NCKAP5: variants seen among roughly 807,000 people sequenced by gnomAD.
The protein encoded by NCKAP5 is nck-associated protein 5.
In NCKAP5, 92 loss-of-function variants were observed where a neutral mutation model predicts 167.0. The ratio of observed to expected loss-of-function variants is 0.55; its 90% confidence interval spans 0.47 to 0.66. The LOEUF (loss-of-function observed/expected upper bound fraction) is 0.66. NCKAP5 is among the 30% of genes least tolerant of loss of function. The probability of loss-of-function intolerance (pLI) is 0.00; values close to 1 mark genes in which losing one functional copy is unlikely to be tolerated. For synonymous variants in NCKAP5, 891 were observed against 877.4 expected (o/e 1.02, Z -0.27); for missense variants, 2,378 against 2,315.0 (o/e 1.03, Z -0.56).
the NCKAP5 span, among the ~76,000 whole-genome samples, chr2:133,668,518 C>T: frequency 9.7e-3 from 1,468 of 151,968 alleles, 48 homozygotes; most frequent in African/African-American, 0.034. Flanking sequence ...TTGGTTTTTG[C>T]TTGTGTTTCC....
intron 3 of NCKAP5, among the ~76,000 whole-genome samples, chr2:133,380,972 T>A (rs1686478355): frequency 6.6e-6 from 1 of 152,192 alleles, no homozygotes; most frequent in African/African-American, 2.4e-5. Flanking sequence ...CAAAATTAAC[T>A]AGACATATAT....
the NCKAP5 span, among the ~76,000 whole-genome samples, chr2:133,618,535 C>G: frequency 2.0e-5 from 3 of 148,886 alleles, no homozygotes; most frequent in Admixed American, 6.7e-5. Flanking sequence ...ATTTATGCAG[C>G]CAAAAAACAC....
At chr2:133,141,391 T>C (rs1277255881) in intron 5 of NCKAP5, among the ~76,000 whole-genome samples, 1 of 151,296 alleles carries the variant, frequency 6.6e-6, no homozygotes, top group Non-Finnish European at 1.5e-5. Context: ...CCTACTAGAC[T>C]GTACAGAGTA....
At chr2:132,984,877 G>T (rs1276393992) in intron 7 of NCKAP5, among the ~76,000 whole-genome samples, 1 of 149,494 alleles carries the variant, frequency 6.7e-6, no homozygotes, top group Non-Finnish European at 1.5e-5. Context: ...TTGTTTCTTA[G>T]ACCAGGAAAT....
At chr2:133,082,766 C>T (rs965221566) in intron 6 of NCKAP5, among the ~76,000 whole-genome samples, 6 of 152,110 alleles carry the variant, frequency 3.9e-5, no homozygotes, top group African/African-American at 1.4e-4. Context: ...TCCTGTGATT[C>T]CCGATGGCCT....
At chr2:132,899,645 C>A (rs757331539) in intron 8 of NCKAP5, among the ~76,000 whole-genome samples, 8 of 152,330 alleles carry the variant, frequency 5.3e-5, no homozygotes, top group African/African-American at 1.7e-4. Flanking sequence ...AAGGCCGAAG[C>A]GGGCAGATCA....
At chr2:133,091,349 C>A (rs1004900960) in intron 6 of NCKAP5, among the ~76,000 whole-genome samples, 1 of 152,216 alleles carries the variant, frequency 6.6e-6, no homozygotes, top group African/African-American at 2.4e-5. Context: ...GATTCCACCA[C>A]ATGAGCTGGA....
chr2:132,784,091 C>T lies in NCKAP5; in HGVS notation c.2720G>A (p.Gly907Glu), dbSNP rs796832856. Residue 907 changes from glycine to glutamate, a missense_variant, in exon 14 of 20, where the codon GGA (glycine) becomes GAA (glutamate). Around this residue, in one of 3 missense-constraint regions of NCKAP5, gnomAD observed 1,325 missense variants for 1,274.5 expected, o/e 1.04. Transcript: ENST00000409261. The stretch of plus-strand genomic sequence containing the variant: ...GTGTTCATCCCTCGTGGGGGGCTCT[C>T]CACTGTCACTAGACTCAATGGCAGG... ...SRPAIESSDS[G>E]EPPTRDEHCG... is the part of the protein sequence containing the mutation. 1.3e-6 allele frequency: 2 copies of T among 1,521,034 alleles called. No individual in the cohort carries two copies. The highest frequency in any genetic ancestry group is 2.3e-5 in the East Asian group (1 of 44,040). 94.2% of individuals were successfully genotyped at this position (1,521,034 alleles called of 1,614,324 possible). A position where few individuals can be genotyped will look rare whatever the true frequency, so the allele number is the denominator to read the frequency against.
At chr2:133,118,274 C>T (rs1245694366) in intron 6 of NCKAP5, 1 of 151,022 alleles carries the variant, frequency 6.6e-6, no homozygotes, top group Non-Finnish European at 1.5e-5. Flanking sequence ...TAGAGCCAAA[C>T]CAATTTTTTT....
At chr2:133,422,860 C>T (rs1689569954) in intron 3 of NCKAP5, among the ~76,000 whole-genome samples, 1 of 152,006 alleles carries the variant, frequency 6.6e-6, no homozygotes, top group Non-Finnish European at 1.5e-5. Context: ...CTCAAATGTA[C>T]CCATGCAATC....
At chr2:132,815,951 C>A (rs536478740) in intron 11 of NCKAP5, among the ~76,000 whole-genome samples, 149 of 152,306 alleles carry the variant, frequency 9.8e-4, no homozygotes, top group African/African-American at 3.5e-3. Flanking sequence ...CTTCCCTCTC[C>A]ATGGCTACAT....
intron 8 of NCKAP5, among the ~76,000 whole-genome samples, chr2:132,921,678 G>T (rs1695442351): frequency 6.6e-6 from 1 of 152,208 alleles, no homozygotes; most frequent in Admixed American, 6.5e-5. Flanking sequence ...TATAGCATCA[G>T]TTGATGTTTC....
At chr2:133,574,759 C>T in the NCKAP5 span, among the ~76,000 whole-genome samples, 1 of 152,086 alleles carries the variant, frequency 6.6e-6, no homozygotes, top group Non-Finnish European at 1.5e-5. Context: ...GGCATCCTTA[C>T]AGATCAGAGG....
At chr2:132,829,645 C>G (rs1016760148) in intron 11 of NCKAP5, among the ~76,000 whole-genome samples, 3 of 152,016 alleles carry the variant, frequency 2.0e-5, no homozygotes, top group Non-Finnish European at 4.4e-5. Flanking sequence ...TAGGGGTTCT[C>G]AAGCTGTAGC....
intron 14 of NCKAP5, 84 bp downstream of exon 14, chr2:132,781,856 C>T (rs1398660182): frequency 2.2e-6 from 3 of 1,339,088 alleles, no homozygotes; most frequent in Non-Finnish European, 3.1e-6. Context: ...CTTGACTGGC[C>T]TTTAATGCAC....
chr2:133,168,437 C>G (rs1002914286), intron 5 of NCKAP5, among the ~76,000 whole-genome samples: 1 of 152,070 alleles, frequency 6.6e-6, no homozygotes, highest in Non-Finnish European at 1.5e-5. Context: ...TTCTGGGGTT[C>G]CTTTCATTAT....
intron 3 of NCKAP5, among the ~76,000 whole-genome samples, chr2:133,349,764 T>G (rs1201735135): frequency 6.6e-6 from 1 of 152,148 alleles, no homozygotes; most frequent in Non-Finnish European, 1.5e-5. Context: ...AAATATCTCT[T>G]CAAACAGTTC....
intron 3 of NCKAP5, among the ~76,000 whole-genome samples, chr2:133,346,667 A>T (rs1321833295): frequency 1.3e-5 from 2 of 152,182 alleles, no homozygotes; most frequent in Non-Finnish European, 2.9e-5. Context: ...GCACTGGGTG[A>T]TATGGTCATC....
At chr2:133,609,382 T>C in the NCKAP5 span, among the ~76,000 whole-genome samples, 1 of 152,256 alleles carries the variant, frequency 6.6e-6, no homozygotes, top group Non-Finnish European at 1.5e-5. Flanking sequence ...GTTTTGTTTT[T>C]AAGAAAGTCA....
Sources: allele counts gnomAD v4.1 joint callset (sites outside exome capture counted in the v4.1 genomes callset), GRCh38; gene constraint gnomAD v4.1.1; regional missense constraint gnomAD v4.1.1; transcripts MANE v1.5; gene names NCBI Gene and HGNC (gene_info 2026-07-23, HGNC 2026-07-21).